The following FGGY variants were observed in gnomAD, a reference collection of about 807,000 sequenced individuals.
FGGY encodes FGGY carbohydrate kinase domain-containing protein.
In FGGY, 72 loss-of-function variants were observed where a neutral mutation model predicts 71.3. That is an observed-to-expected ratio of 1.01 (90% confidence interval 0.84 to 1.23). The LOEUF (loss-of-function observed/expected upper bound fraction) is 1.23. FGGY is among the 50% of genes most tolerant of loss of function. FGGY has a pLI of 0.00. For synonymous variants in FGGY, 251 were observed against 250.3 expected (o/e 1.00, Z -0.02); for missense variants, 668 against 682.3 (o/e 0.98, Z 0.23).
chr1:59,344,098 TTAGA>T (rs1282250364), intron 3 of FGGY, among the ~76,000 whole-genome samples: 26 of 152,126 alleles, frequency 1.7e-4, no homozygotes, highest in Admixed American at 7.2e-4. Context: ...AGCACTTCTG[TTAGA>T]TAGAGGAACA....
At chr1:59,560,800 G>A (rs76447797) in intron 8 of FGGY, among the ~76,000 whole-genome samples, 193 of 152,270 alleles carry the variant, frequency 1.3e-3, no homozygotes, top group African/African-American at 4.5e-3. Context: ...TGTGGTGGAA[G>A]TAGGAAGAAG....
chr1:59,644,331 C>CT (rs2153903194), intron 11 of FGGY, among the ~76,000 whole-genome samples: 1 of 152,278 alleles, frequency 6.6e-6, no homozygotes, highest in African/African-American at 2.4e-5. Context: ...CAGTTGACTC[C>CT]TATCATGTGA....
chr1:59,591,092 C>T (rs886127712), intron 8 of FGGY, among the ~76,000 whole-genome samples: 1 of 152,152 alleles, frequency 6.6e-6, no homozygotes, highest in African/African-American at 2.4e-5. Flanking sequence ...TCAGCAAAGT[C>T]TCAGGATACA....
chr1:59,634,639 A>G (rs1437420222), intron 10 of FGGY, among the ~76,000 whole-genome samples: 1 of 152,104 alleles, frequency 6.6e-6, no homozygotes, highest in Non-Finnish European at 1.5e-5. Context: ...TGTTGTCTGC[A>G]TTTAAGATCA....
chr1:59,371,933 C>G (rs1411782012), intron 4 of FGGY, among the ~76,000 whole-genome samples: 3 of 152,120 alleles, frequency 2.0e-5, no homozygotes, highest in Non-Finnish European at 4.4e-5. Flanking sequence ...ATTTATAGCA[C>G]TAAATGCCCA....
At chr1:59,476,235 CCT>C (rs1165925261) in intron 6 of FGGY, among the ~76,000 whole-genome samples, 1 of 152,172 alleles carries the variant, frequency 6.6e-6, no homozygotes, top group Non-Finnish European at 1.5e-5. Flanking sequence ...ATTCTGTTTC[CCT>C]GTTGTATTTT....
At chr1:59,332,531 C>G (rs1207065857) in intron 2 of FGGY, among the ~76,000 whole-genome samples, 2 of 152,114 alleles carry the variant, frequency 1.3e-5, no homozygotes, top group East Asian at 1.9e-4. Context: ...TGAGCATGAT[C>G]ATAAGGCATT....
intron 7 of FGGY, among the ~76,000 whole-genome samples, chr1:59,546,257 CTT>C (rs1441803736): frequency 6.6e-6 from 1 of 152,108 alleles, no homozygotes; most frequent in Admixed American, 6.6e-5. Flanking sequence ...ACATAGGAAA[CTT>C]AAGTGATTTG....
At chr1:59,645,916 A>G (rs1288009101) in intron 11 of FGGY, among the ~76,000 whole-genome samples, 2 of 152,256 alleles carry the variant, frequency 1.3e-5, no homozygotes, top group African/African-American at 4.8e-5. Flanking sequence ...ATCAGAGCGT[A>G]TGCTACTCAA....
At chr1:59,389,729 C>T (rs941228613) in intron 5 of FGGY, among the ~76,000 whole-genome samples, 2 of 152,190 alleles carry the variant, frequency 1.3e-5, no homozygotes, top group Admixed American at 6.5e-5. Context: ...AATTCCTCCA[C>T]ATCCTCCCCA....
chr1:59,299,103 A>C (rs781379369), intron 1 of FGGY, among the ~76,000 whole-genome samples: 1 of 152,228 alleles, frequency 6.6e-6, no homozygotes, highest in Non-Finnish European at 1.5e-5. Context: ...ATGGCTCAAC[A>C]TGGGGAAGCC....
intron 7 of FGGY, among the ~76,000 whole-genome samples, chr1:59,537,357 C>T (rs1403331289): frequency 6.6e-6 from 1 of 152,114 alleles, no homozygotes; most frequent in Non-Finnish European, 1.5e-5. Context: ...AGGACACAAA[C>T]AAATGGAAGA....
chr1:59,464,524 G>T (rs1356217563), intron 6 of FGGY, among the ~76,000 whole-genome samples: 1 of 151,960 alleles, frequency 6.6e-6, no homozygotes, highest in Non-Finnish European at 1.5e-5. Flanking sequence ...TTAGCAGAAC[G>T]GAAGGAGATA....
intron 5 of FGGY, among the ~76,000 whole-genome samples, chr1:59,401,865 G>A (rs546121808): frequency 6.6e-6 from 1 of 152,314 alleles, no homozygotes; most frequent in South Asian, 2.1e-4. Context: ...ATCGTGGTAG[G>A]ATTATGGAGA....
intron 6 of FGGY, among the ~76,000 whole-genome samples, chr1:59,471,824 G>T (rs746761947): frequency 6.6e-6 from 1 of 152,218 alleles, no homozygotes; most frequent in South Asian, 2.1e-4. Flanking sequence ...AGGTTTTTCA[G>T]TAACTCTACA....
chr1:59,441,859 A>G (rs1246093951), intron 5 of FGGY, among the ~76,000 whole-genome samples: 1 of 152,180 alleles, frequency 6.6e-6, no homozygotes, highest in African/African-American at 2.4e-5. Flanking sequence ...ATTCCATTTC[A>G]CATCTGGGGG....
intron 14 of FGGY, among the ~76,000 whole-genome samples, chr1:59,719,291 G>T (rs1212309669): frequency 2.0e-5 from 3 of 152,226 alleles, no homozygotes; most frequent in Non-Finnish European, 2.9e-5. Flanking sequence ...TACTGCACAG[G>T]ATGCTACAGC....
At chr1:59,563,161 C>A (rs541863116) in intron 8 of FGGY, among the ~76,000 whole-genome samples, 1 of 152,270 alleles carries the variant, frequency 6.6e-6, no homozygotes, top group South Asian at 2.1e-4. Context: ...GAGAGGGCAT[C>A]CTTGTCTTGT....
chr1:59,482,609 CAT>C (rs984392490), intron 6 of FGGY, among the ~76,000 whole-genome samples: 10 of 123,454 alleles, frequency 8.1e-5, no homozygotes, highest in Non-Finnish European at 1.3e-4. Context: ...TGTATATATA[CAT>C]ATGTGTGTGT....
Sources: allele counts gnomAD v4.1 joint callset (sites outside exome capture counted in the v4.1 genomes callset), GRCh38; gene constraint gnomAD v4.1.1; transcripts MANE v1.5; gene names NCBI Gene and HGNC (gene_info 2026-07-23, HGNC 2026-07-21).